Variants in CDC42BPG observed in about 807,000 individuals in gnomAD.
The protein encoded by CDC42BPG is serine/threonine-protein kinase MRCK gamma.
A neutral mutation model predicts 192.2 loss-of-function variants in CDC42BPG; 157 were observed. The observed-to-expected ratio is 0.82, with a 90% CI of 0.72 to 0.93. The LOEUF is 0.93. CDC42BPG is among the 40% of genes least tolerant of loss of function. CDC42BPG has a pLI of 0.00. For missense variants in CDC42BPG, 1,992 were observed against 2,122.1 expected, an observed-to-expected ratio of 0.94 and a Z score of 1.20; for synonymous variants, 981 against 918.5, an observed-to-expected ratio of 1.07 and a Z score of -1.23.
Position 64,832,802 on chromosome 11 carries a change from T to C in CDC42BPG, c.2865+24A>G, listed in dbSNP as rs750847925. On this transcript the variant is annotated intron_variant, in intron 25 of 36. Transcript: ENST00000342711. ...GACCCTCAGCCCCCCATGCCCATCTTCCCCTCCCTCGGCCCCCACTCACCG... is the reference window on the plus strand; with the variant it reads ...GACCCTCAGCCCCCCATGCCCATCTCCCCCTCCCTCGGCCCCCACTCACCG... 25 of 1,588,428 alleles carry C rather than the reference T, an allele frequency of 1.6e-5. No individual in the cohort carries two copies. In the South Asian group the frequency reaches 2.8e-4, roughly 18 times the overall value.
chr11:64,833,593 C>T lies in CDC42BPG; in HGVS notation c.2625+7G>A, dbSNP rs773193586. ...CCCCCACCCTGCTTGCCCCTCTGGG[C>T]ACTGACCTTAGCAGGAAGACCTTCT... On this transcript the variant is annotated splice_region_variant and intron_variant, in intron 23 of 36. Transcript: ENST00000342711. 1 of 1,605,850 alleles carries T rather than the reference C, an allele frequency of 6.2e-7. No individual in the cohort carries two copies. The highest frequency in any genetic ancestry group is 1.1e-5 in the South Asian group (1 of 89,520).
At chr11:64,833,483 A>G in intron 23 of CDC42BPG, 117 bp downstream of exon 23, 3 of 1,081,236 alleles carry the variant, frequency 2.8e-6, no homozygotes, top group Non-Finnish European at 4.0e-6. Flanking sequence ...CATCGCCACC[A>G]CCTCCACCCC....
At chr11:64,825,633 T>A (rs1270106884) in intron 36 of CDC42BPG, among the ~76,000 whole-genome samples, 2 of 152,030 alleles carry the variant, frequency 1.3e-5, no homozygotes, top group African/African-American at 2.4e-5. Flanking sequence ...AGTGGGTGGA[T>A]GTGTGTGCTG....
At position 64,823,600 on chromosome 11, in the gene CDC42BPG, C is replaced by A. The variant is rs1348534232; in HGVS notation, c.*873G>T. The A allele has an allele frequency of 6.6e-6, 1 of 152,082 alleles. No individual in the cohort carries two copies. The highest frequency in any genetic ancestry group is 1.5e-5 in the Non-Finnish European group (1 of 68,014). 9.4% of individuals were successfully genotyped at this position (152,082 alleles called of 1,614,324 possible). A position where few individuals can be genotyped will look rare whatever the true frequency, so the allele number is the denominator to read the frequency against. ...CTGGTTGAAGATTCGAGAAAAACGACCCCCTTTCTGGGAAGGGCCAGAGTG... is the reference window on the plus strand; with the variant it reads ...CTGGTTGAAGATTCGAGAAAAACGAACCCCTTTCTGGGAAGGGCCAGAGTG... On this transcript the variant is annotated 3_prime_UTR_variant, in exon 37 of 37. Transcript: ENST00000342711.
chr11:64,840,186 G>T lies in CDC42BPG; in HGVS notation c.515C>A (p.Ala172Asp), dbSNP rs762737766. ...RFEDRLPPELAQFYLAEMVLA... is the reference protein window; with the variant it reads ...RFEDRLPPELDQFYLAEMVLA... ...CACCATCTCAGCCAGGTAGAACTGGGCCAGCTCGGGCGGGAGACGGTCCTC... is the reference window on the plus strand; with the variant it reads ...CACCATCTCAGCCAGGTAGAACTGGTCCAGCTCGGGCGGGAGACGGTCCTC... Residue 172 changes from alanine to aspartate, a missense_variant, in exon 5 of 37, where the codon GCC (alanine) becomes GAC (aspartate). Physicochemically the swap from Ala to Asp is moderately radical, Grantham distance 126. This residue lies in a region of CDC42BPG where 1,656 missense variants were observed against 1,844.3 expected (regional missense o/e 0.90). Coordinates refer to ENST00000342711, the MANE Select transcript of CDC42BPG (RefSeq NM_017525.3). The T allele has an allele frequency of 6.2e-7, 1 of 1,613,226 alleles. No individual in the cohort carries two copies. Among genetic ancestry groups the T allele is most frequent in the South Asian group, 1.1e-5 (1 of 91,086 alleles).
chr11:64,843,792 A>G (rs1943384285), intron 1 of CDC42BPG, among the ~76,000 whole-genome samples: 1 of 152,186 alleles, frequency 6.6e-6, no homozygotes, highest in Non-Finnish European at 1.5e-5. Flanking sequence ...GAGCTTGGCC[A>G]GCAGCCTGCA....
At chr11:64,839,764 G>C (rs1229379103) in intron 5 of CDC42BPG, among the ~76,000 whole-genome samples, 193 bp from the exon 6 acceptor site, 1 of 152,222 alleles carries the variant, frequency 6.6e-6, no homozygotes, top group Non-Finnish European at 1.5e-5. Context: ...AAGATGGCTA[G>C]ATTGTAGAAA....
Position 64,830,262 on chromosome 11 carries a change from AGAGG to A in CDC42BPG, c.3305-10_3305-7del, listed in dbSNP as rs761195953. ...AAGCGCAAGTCGATCCTGGTCTGGT[AGAGG>A]GAGGCAGAGGGTCAGAGGTCAGCAG... On this transcript the variant is annotated splice_region_variant and splice_polypyrimidine_tract_variant and intron_variant, in intron 28 of 36. Coordinates refer to ENST00000342711, the MANE Select transcript of CDC42BPG (RefSeq NM_017525.3). The A allele has an allele frequency of 1.9e-6, 3 of 1,599,344 alleles. No homozygotes were observed. The South Asian group carries it at 3.4e-5, about 18-fold the overall frequency.
chr11:64,829,420 C>T, intron 30 of CDC42BPG, 51 bp downstream of exon 30: 1 of 1,581,064 alleles, frequency 6.3e-7, no homozygotes, highest in Non-Finnish European at 8.6e-7. Context: ...CTGTCTTCAC[C>T]CACCCACTGA....
Position 64,838,537 on chromosome 11 carries a change from G to A in CDC42BPG, c.1125+117C>T, listed in dbSNP as rs548126583. ...CAGTCTGGGAGTCCATAAATCATAA[G>A]CCCCGGTGTCTGAAGGCCTCACCCC... On this transcript the variant is annotated intron_variant, in intron 8 of 36. Coordinates refer to ENST00000342711, the MANE Select transcript of CDC42BPG (RefSeq NM_017525.3). 24 of 1,350,610 alleles carry A rather than the reference G, an allele frequency of 1.8e-5. No individual in the cohort carries two copies. The Admixed American group carries it at 3.6e-4, about 20-fold the overall frequency. The allele number at this position is 1,350,610 out of a possible 1,614,324, so 83.7% of individuals were successfully genotyped here.
chr11:64,827,322 G>C lies in CDC42BPG; in HGVS notation c.4227C>G (p.Arg1409=). 6.2e-7 allele frequency: 1 copy of C among 1,614,086 alleles called. No individual in the cohort carries two copies. The highest frequency in any genetic ancestry group is 8.5e-7 in the Non-Finnish European group (1 of 1,179,968). ...RQLFRTKSKR[R]FFFRVSEEQQ... is the part of the protein sequence containing the mutation. ...GCTCCTCCGACACGCGGAAAAAGAA[G>C]CGGCGCTTGCTCTTGGTGCGGAACA... is the stretch of plus-strand genomic sequence containing the variant. Residue 1409 remains arginine (R), a synonymous_variant, in exon 33 of 37, where the codon CGC becomes CGG. Transcript: ENST00000342711.
intron 36 of CDC42BPG, among the ~76,000 whole-genome samples, chr11:64,826,145 T>A (rs571720541): frequency 6.6e-6 from 1 of 151,352 alleles, no homozygotes; most frequent in South Asian, 2.1e-4. Context: ...TGCTGAGCCC[T>A]TCGCAGGTAT....
In CDC42BPG at chr11:64,836,486, G is replaced by A; in HGVS notation, c.1429C>T (p.Pro477Ser). The change falls in exon 12 of 37, where the codon CCA becomes TCA. Residue 477 changes from proline (P) to serine (S), a missense_variant. Pro to Ser is a moderately conservative substitution (Grantham distance 74). Transcript: ENST00000342711. ...KASLSQTDGP[P>S]AGSPGQDSDL... is the part of the protein sequence containing the mutation. ...CTGTCCTGACCTGGGCTACCAGCTGGGGGCCCATCCGTCTGGGACAATGAG... is the reference window on the plus strand; with the variant it reads ...CTGTCCTGACCTGGGCTACCAGCTGAGGGCCCATCCGTCTGGGACAATGAG... 3.7e-6 allele frequency: 6 copies of A among 1,613,550 alleles called. No homozygotes were observed. The highest frequency in any genetic ancestry group is 5.1e-6 in the Non-Finnish European group (6 of 1,179,978).
intron 36 of CDC42BPG, 148 bp from the exon 37 acceptor site, chr11:64,824,677 G>A (rs893362803): frequency 3.3e-6 from 2 of 603,268 alleles, no homozygotes; most frequent in African/African-American, 3.8e-5. Context: ...GAGGAGTAGA[G>A]GTGGTAAATG....
chr11:64,841,731 G>A lies in CDC42BPG; in HGVS notation c.255C>T (p.Val85=). The A allele has an allele frequency of 6.2e-7, 1 of 1,613,900 alleles. No individual in the cohort carries two copies. Among genetic ancestry groups the A allele is most frequent in the Middle Eastern group, 1.6e-4 (1 of 6,062 alleles). The change falls in exon 3 of 37, where the codon GTC becomes GTT. Residue 85 remains valine (V), a splice_region_variant and synonymous_variant. Coordinates refer to ENST00000342711, the MANE Select transcript of CDC42BPG (RefSeq NM_017525.3). ...CAGTGTCCCTCTGCCTCACCACGGT[G>A]ACCTAAGGCCACAGGGAGGACCGGG... is the stretch of plus-strand genomic sequence containing the variant. The part of the protein sequence containing the change: ...KVIGRGAFGE[V]TVVRQRDTGQ...
intron 1 of CDC42BPG, 137 bp from the exon 2 acceptor site, chr11:64,842,041 G>A (rs1365157970): frequency 2.9e-6 from 2 of 684,974 alleles, no homozygotes; most frequent in Non-Finnish European, 5.1e-6. Flanking sequence ...TCGGGCCAAG[G>A]GGTTGTGGCA....
In CDC42BPG at chr11:64,823,296, C is replaced by T. The variant is rs1258893859; in HGVS notation, c.*1177G>A. 6.6e-6 allele frequency: 1 copy of T among 151,980 alleles called. No homozygotes were observed. The highest frequency in any genetic ancestry group is 1.5e-5 in the Non-Finnish European group (1 of 68,002). 9.4% of individuals were successfully genotyped at this position (151,980 alleles called of 1,614,324 possible). The stretch of plus-strand genomic sequence containing the variant: ...AGAGATGGGGTTTCACCGTGTTAGC[C>T]AGGATGGTCTCAATCTCCTGACCTC... On this transcript the variant is annotated 3_prime_UTR_variant, in exon 37 of 37. Transcript: ENST00000342711.
At chr11:64,839,771 G>A (rs1354886364) in intron 5 of CDC42BPG, among the ~76,000 whole-genome samples, 200 bp from the exon 6 acceptor site, 2 of 152,236 alleles carry the variant, frequency 1.3e-5, no homozygotes, top group Admixed American at 6.5e-5. Context: ...CTAGATTGTA[G>A]AAAGGATGTG....
Position 64,839,163 on chromosome 11 carries a change from C to A in CDC42BPG, c.746G>T (p.Gly249Val). ...SPEILQAMEE[G>V]KGHYGPQCDW... ...ACACTGTGGGCCGTAGTGGCCCTTG[C>A]CCTCCTCCATGGCCTGCAGGATCTC... is the stretch of plus-strand genomic sequence containing the variant. The change falls in exon 7 of 37, where the codon GGC becomes GTC. Residue 249 changes from glycine (G) to valine (V), a missense_variant. Around this residue, in one of 2 missense-constraint regions of CDC42BPG, gnomAD observed 1,656 missense variants for 1,844.3 expected, o/e 0.90. Coordinates refer to ENST00000342711, the MANE Select transcript of CDC42BPG (RefSeq NM_017525.3). The A allele has an allele frequency of 6.2e-7, 1 of 1,613,482 alleles. No homozygotes were observed.
Sources: gnomAD v4.1 joint callset for allele counts (sites outside exome capture counted in the v4.1 genomes callset) on GRCh38, gnomAD v4.1.1 for gene constraint, gnomAD v4.1.1 regional missense constraint, MANE v1.5 for transcripts, NCBI Gene and HGNC (gene_info 2026-07-23, HGNC 2026-07-21) for gene names.